C8orf89: variants seen among roughly 807,000 people sequenced by gnomAD.
C8orf89 encodes chromosome 8 open reading frame 89.
In C8orf89, 14 loss-of-function variants were observed where a neutral mutation model predicts 15.8. The observed-to-expected ratio is 0.89, with a 90% confidence interval of 0.59 to 1.39. The LOEUF (loss-of-function observed/expected upper bound fraction) is 1.39. C8orf89 is among the 40% of genes most tolerant of loss of function. The pLI is 0.00. For missense variants in C8orf89, 181 were observed against 184.5 expected (o/e 0.98, Z 0.11); for synonymous variants, 55 against 62.2 (o/e 0.88, Z 0.54).
upstream of C8orf89, among the ~76,000 whole-genome samples, chr8:73,261,542 G>A (rs190902430): frequency 6.6e-6 from 1 of 152,174 alleles, no homozygotes; most frequent in East Asian, 1.9e-4. Context: ...TCCCCAAGAA[G>A]CTACTCCTGA....
upstream of C8orf89, among the ~76,000 whole-genome samples, chr8:73,263,672 T>C (rs1353223137): frequency 6.6e-6 from 1 of 152,190 alleles, no homozygotes; most frequent in East Asian, 1.9e-4. Flanking sequence ...ACATCTGTCA[T>C]GTCAAGCATG....
chr8:73,248,163 G>A (rs1358543183), intron 3 of C8orf89, among the ~76,000 whole-genome samples: 1 of 152,166 alleles, frequency 6.6e-6, no homozygotes, highest in Non-Finnish European at 1.5e-5. Flanking sequence ...CATATGGCTA[G>A]CCAGTTAGCC....
intron 2 of C8orf89, among the ~76,000 whole-genome samples, chr8:73,252,924 G>A (rs1212171054): frequency 6.6e-6 from 1 of 152,094 alleles, no homozygotes; most frequent in Non-Finnish European, 1.5e-5. Context: ...GGTGGATCAC[G>A]AGGTCAGAAG....
chr8:73,277,204 G>A, the C8orf89 span, among the ~76,000 whole-genome samples: 5 of 151,960 alleles, frequency 3.3e-5, no homozygotes, highest in Non-Finnish European at 7.4e-5. Flanking sequence ...TTGCCTTACT[G>A]GGCCTAAACA....
chr8:73,258,137 C>T (rs971051576), intron 1 of C8orf89, among the ~76,000 whole-genome samples: 1 of 152,090 alleles, frequency 6.6e-6, no homozygotes, highest in African/African-American at 2.4e-5. Context: ...ATTGGCTGGG[C>T]GTGGTGGCTT....
chr8:73,273,409 G>A, the C8orf89 span, among the ~76,000 whole-genome samples: 70 of 152,358 alleles, frequency 4.6e-4, 1 homozygote, highest in Admixed American at 2.6e-3. Context: ...CCCAGGCACT[G>A]TCACAACCTG....
chr8:73,250,199 T>C, intron 3 of C8orf89, 69 bp downstream of exon 3: 2 of 953,924 alleles, frequency 2.1e-6, no homozygotes, highest in Non-Finnish European at 3.1e-6. Context: ...AGAAAGGAAT[T>C]TTTTTTAAAA....
chr8:73,245,371 C>T (rs1813103217), intron 3 of C8orf89, among the ~76,000 whole-genome samples: 1 of 151,954 alleles, frequency 6.6e-6, no homozygotes, highest in Non-Finnish European at 1.5e-5. Flanking sequence ...TGTAATGGAG[C>T]AAAAGTTGTA....
intron 3 of C8orf89, among the ~76,000 whole-genome samples, chr8:73,249,853 G>C (rs1216774595): frequency 6.6e-6 from 1 of 152,144 alleles, no homozygotes; most frequent in Non-Finnish European, 1.5e-5. Flanking sequence ...GGAAAGCTGA[G>C]GGAAGATGGC....
the C8orf89 span, among the ~76,000 whole-genome samples, chr8:73,283,685 C>T: frequency 6.6e-6 from 1 of 152,174 alleles, no homozygotes; most frequent in Non-Finnish European, 1.5e-5. Context: ...AATGTGCCTA[C>T]ATCTGACTTA....
At chr8:73,273,748 GT>G in the C8orf89 span, among the ~76,000 whole-genome samples, 25,710 of 141,458 alleles carry the variant, frequency 0.18, 2,318 homozygotes, top group Non-Finnish European at 0.21. Flanking sequence ...GGTGATGCCA[GT>G]TTTTTTTTTT....
At chr8:73,256,929 C>T in intron 2 of C8orf89, 44 bp downstream of exon 2, 1 of 1,451,004 alleles carries the variant, frequency 6.9e-7, no homozygotes, top group Non-Finnish European at 9.1e-7. Context: ...AGTATTACTA[C>T]AAATACACAT....
At chr8:73,267,130 C>T in the C8orf89 span, among the ~76,000 whole-genome samples, 11 of 152,278 alleles carry the variant, frequency 7.2e-5, no homozygotes, top group South Asian at 2.3e-3. Context: ...GAATACAGCT[C>T]AAGACTTCCA....
chr8:73,268,796 A>G, the C8orf89 span, among the ~76,000 whole-genome samples: 5 of 152,214 alleles, frequency 3.3e-5, no homozygotes, highest in Non-Finnish European at 1.5e-5. Flanking sequence ...CACATCAGCC[A>G]TGAGTTGCTA....
At chr8:73,252,061 ACTCT>A (rs1813263569) in intron 2 of C8orf89, among the ~76,000 whole-genome samples, 1 of 151,722 alleles carries the variant, frequency 6.6e-6, no homozygotes, top group African/African-American at 2.4e-5. Context: ...TCTGGTAGCA[ACTCT>A]CTCTCTCTTC....
the C8orf89 span, among the ~76,000 whole-genome samples, chr8:73,273,281 C>T: frequency 6.6e-6 from 1 of 152,258 alleles, no homozygotes; most frequent in African/African-American, 2.4e-5. Context: ...GGCATCCCTG[C>T]ACTCTCAGGG....
chr8:73,276,460 A>G, the C8orf89 span, among the ~76,000 whole-genome samples: 1 of 152,134 alleles, frequency 6.6e-6, no homozygotes, highest in African/African-American at 2.4e-5. Context: ...TTACAGGAGT[A>G]AGCCACCACA....
At chr8:73,274,742 G>A in the C8orf89 span, among the ~76,000 whole-genome samples, 1 of 152,118 alleles carries the variant, frequency 6.6e-6, no homozygotes, top group African/African-American at 2.4e-5. Flanking sequence ...GTAGGTATAG[G>A]AGAAAAGATA....
chr8:73,242,267 A>G (rs1813023681), intron 3 of C8orf89, among the ~76,000 whole-genome samples: 1 of 152,224 alleles, frequency 6.6e-6, no homozygotes, highest in East Asian at 1.9e-4. Flanking sequence ...ATTAACAACC[A>G]GAATATATAA....
Sources: gnomAD v4.1 joint callset for allele counts (sites outside exome capture counted in the v4.1 genomes callset) on GRCh38, gnomAD v4.1.1 for gene constraint, MANE v1.5 for transcripts, NCBI Gene and HGNC (gene_info 2026-07-23, HGNC 2026-07-21) for gene names.